Variants in KCNIP4 observed in about 807,000 individuals in gnomAD.
The protein encoded by KCNIP4 is potassium voltage-gated channel interacting protein 4, also known as Kv channel-interacting protein 4.
Under a neutral mutation model 34.0 loss-of-function variants are expected in KCNIP4, and 12 were observed. The observed-to-expected ratio is 0.35, with a 90% CI of 0.23 to 0.57. The LOEUF (loss-of-function observed/expected upper bound fraction) is 0.57, where lower values mean the gene tolerates loss of function less well. Ranked by LOEUF, KCNIP4 falls within the 20% of genes least tolerant of loss-of-function variation. The pLI is 0.83. For synonymous variants in KCNIP4, 124 were observed against 102.2 expected (o/e 1.21, Z -1.29); for missense variants, 238 against 311.7 (o/e 0.76, Z 1.78).
rs1239433761 is a variant in KCNIP4 at position 21,948,755 on chromosome 4, A to G, written c.-124T>C. The G allele has an allele frequency of 8.4e-7, 1 of 1,192,650 alleles. No homozygotes were observed. The highest frequency in any genetic ancestry group is 1.1e-6 in the Non-Finnish European group (1 of 951,474). The allele number at this position is 1,192,650 out of a possible 1,614,324, so 73.9% of individuals were successfully genotyped here. On this transcript the variant is annotated 5_prime_UTR_variant, in exon 1 of 9. Coordinates refer to ENST00000382152, the MANE Select transcript of KCNIP4 (RefSeq NM_025221.6). ...GGGCGTCCGTGGCGCTGGGAGCGAG[A>G]GCTTCGGCGGCGGCTGCGGGCAGGG...
intron 1 of KCNIP4, among the ~76,000 whole-genome samples, chr4:21,097,911 C>G (rs754970841): frequency 2.0e-5 from 3 of 152,094 alleles, no homozygotes; most frequent in Non-Finnish European, 2.9e-5. Flanking sequence ...AGCTAGGACT[C>G]TTGGGCCAAA....
At chr4:21,934,210 T>C (rs1001206969) in intron 1 of KCNIP4, among the ~76,000 whole-genome samples, 1 of 152,058 alleles carries the variant, frequency 6.6e-6, no homozygotes, top group Non-Finnish European at 1.5e-5. Context: ...GGATAAGATA[T>C]ATCCTTCAGA....
chr4:21,464,659 G>T (rs891619137), intron 1 of KCNIP4: 2 of 151,952 alleles, frequency 1.3e-5, no homozygotes, highest in South Asian at 4.2e-4. Context: ...TATATATTCT[G>T]CTGTTTTTTT....
chr4:20,998,718 G>C lies in KCNIP4; in HGVS notation c.62-116009C>G, dbSNP rs551107934. ...TCTCTTCATCAGTGGCAGAAGATGA[G>C]GACAGGGTCATAGATCTGAATAAGG... On this transcript the variant is annotated intron_variant, in intron 1 of 8. Coordinates refer to ENST00000382152, the MANE Select transcript of KCNIP4 (RefSeq NM_025221.6). Among the ~76,000 whole-genome samples, 25 of 152,318 alleles carry C rather than the reference G, an allele frequency of 1.6e-4. 1 individual carries two copies. The highest frequency in any genetic ancestry group is 5.5e-4 in the African/African-American group (23 of 41,580).
chr4:20,918,916 C>G (rs569399772), intron 1 of KCNIP4, among the ~76,000 whole-genome samples: 1 of 152,180 alleles, frequency 6.6e-6, no homozygotes, highest in African/African-American at 2.4e-5. Flanking sequence ...ATAATCTGGG[C>G]ACAGGTGTTG....
In KCNIP4 at chr4:21,740,999, T is replaced by A. The variant is rs140701618; in HGVS notation, c.61+207572A>T. 2.6e-3 allele frequency among the ~76,000 whole-genome samples: 394 copies of A among 151,676 alleles called. 3 individuals are homozygous for A. Among genetic ancestry groups the A allele is most frequent in the African/African-American group, 9.2e-3 (379 of 41,334 alleles). On this transcript the variant is annotated intron_variant, in intron 1 of 8. Transcript: ENST00000382152. ...CCAAAAAGAGGGAGAGAAAAAAAAA[T>A]TCAGAGGCAATGACACAGGGACTTG...
At chr4:21,869,592 G>T (rs972092211) in intron 1 of KCNIP4, among the ~76,000 whole-genome samples, 8 of 151,976 alleles carry the variant, frequency 5.3e-5, no homozygotes, top group Admixed American at 2.0e-4. Context: ...TAAATTCCCT[G>T]TTCCTGTATT....
intron 1 of KCNIP4, among the ~76,000 whole-genome samples, chr4:21,311,881 T>G (rs1212328497): frequency 6.6e-6 from 1 of 152,126 alleles, no homozygotes; most frequent in Non-Finnish European, 1.5e-5. Context: ...ATCATTTCCT[T>G]GAGGAAACCC....
At chr4:21,004,333 C>G (rs1289511192) in intron 1 of KCNIP4, among the ~76,000 whole-genome samples, 3 of 152,068 alleles carry the variant, frequency 2.0e-5, no homozygotes, top group Non-Finnish European at 2.9e-5. Flanking sequence ...AGTATATGGG[C>G]GACTCCCAAA....
At chr4:21,422,366 G>T (rs1302723304) in intron 1 of KCNIP4, among the ~76,000 whole-genome samples, 1 of 151,828 alleles carries the variant, frequency 6.6e-6, no homozygotes, top group Non-Finnish European at 1.5e-5. Flanking sequence ...ATGCCTGGCT[G>T]ATTTTTGTGT....
intron 1 of KCNIP4, among the ~76,000 whole-genome samples, chr4:21,794,612 G>T (rs538246414): frequency 6.6e-6 from 1 of 152,054 alleles, no homozygotes; most frequent in African/African-American, 2.4e-5. Flanking sequence ...TGAGACAGCC[G>T]GGCGCAGTGA....
chr4:21,754,573 A>G (rs2109151100), intron 1 of KCNIP4, among the ~76,000 whole-genome samples: 1 of 152,302 alleles, frequency 6.6e-6, no homozygotes, highest in East Asian at 1.9e-4. Context: ...CCCAATACAT[A>G]AGCAGTGAAA....
intron 1 of KCNIP4, among the ~76,000 whole-genome samples, chr4:20,887,184 T>C (rs1344203773): frequency 1.3e-5 from 2 of 151,826 alleles, no homozygotes; most frequent in Non-Finnish European, 2.9e-5. Context: ...TGAGCTTGAA[T>C]AGAGATGAAA....
chr4:21,663,970 A>C (rs559697299), intron 1 of KCNIP4, among the ~76,000 whole-genome samples: 14 of 152,134 alleles, frequency 9.2e-5, no homozygotes, highest in African/African-American at 3.1e-4. Flanking sequence ...TTTGAGACAG[A>C]GTCTTGCTGT....
intron 1 of KCNIP4, among the ~76,000 whole-genome samples, chr4:21,055,653 C>T (rs1743336923): frequency 6.6e-6 from 1 of 152,160 alleles, no homozygotes; most frequent in South Asian, 2.1e-4. Context: ...ATATTTAATT[C>T]ATTCTCCCTA....
At chr4:20,937,943 T>C (rs1480234281) in intron 1 of KCNIP4, among the ~76,000 whole-genome samples, 1 of 151,668 alleles carries the variant, frequency 6.6e-6, no homozygotes, top group Non-Finnish European at 1.5e-5. Flanking sequence ...AATAATTCTA[T>C]TTTTTCCCTT....
chr4:21,897,389 C>T (rs1022078980), intron 1 of KCNIP4, among the ~76,000 whole-genome samples: 1 of 152,112 alleles, frequency 6.6e-6, no homozygotes, highest in African/African-American at 2.4e-5. Context: ...TCTATTTCTT[C>T]CAGCACAAGT....
intron 1 of KCNIP4, among the ~76,000 whole-genome samples, chr4:21,267,927 C>A (rs200170738): frequency 2.6e-5 from 4 of 151,670 alleles, no homozygotes; most frequent in Non-Finnish European, 5.9e-5. Context: ...AGGAATGGTA[C>A]CAGTTCCTCC....
intron 1 of KCNIP4, among the ~76,000 whole-genome samples, chr4:21,014,237 G>A (rs1246797730): frequency 1.3e-5 from 2 of 152,112 alleles, no homozygotes; most frequent in African/African-American, 2.4e-5. Flanking sequence ...TCTACTACAA[G>A]ACCACCACAT....
Sources: allele counts gnomAD v4.1 joint callset (sites outside exome capture counted in the v4.1 genomes callset), GRCh38; gene constraint gnomAD v4.1.1; transcripts MANE v1.5; gene names NCBI Gene and HGNC (gene_info 2026-07-23, HGNC 2026-07-21).